NTSR1: variants seen among roughly 807,000 people sequenced by gnomAD.
NTSR1 encodes the protein neurotensin receptor type 1.
In NTSR1, 29 loss-of-function variants were observed where a neutral mutation model predicts 31.2. The ratio of observed to expected loss-of-function variants is 0.93; its 90% CI spans 0.69 to 1.27. The LOEUF (loss-of-function observed/expected upper bound fraction) is 1.27, where lower values mean the gene tolerates loss of function less well. Ranked by LOEUF, NTSR1 falls within the 50% of genes most tolerant of loss-of-function variation. The pLI is 0.00. For missense variants in NTSR1, 697 were observed against 595.4 expected (o/e 1.17, Z -1.78); for synonymous variants, 282 against 269.9 (o/e 1.04, Z -0.44).
Position 62,709,110 on chromosome 20 carries a change from G to C in NTSR1, c.-98G>C, listed in dbSNP as rs1988534629. On this transcript the variant is annotated 5_prime_UTR_variant, in exon 1 of 4. Coordinates refer to ENST00000370501, the MANE Select transcript of NTSR1 (RefSeq NM_002531.3). ...GGTCTTCGCCACGCGCCCTCCCCTGGGCTCCCGTTCATCGGTCCCCGCCTG... is the reference window on the plus strand; with the variant it reads ...GGTCTTCGCCACGCGCCCTCCCCTGCGCTCCCGTTCATCGGTCCCCGCCTG... The C allele has an allele frequency of 9.7e-7, 1 of 1,030,782 alleles. No homozygotes were observed. 63.9% of individuals were successfully genotyped at this position (1,030,782 alleles called of 1,614,324 possible).
chr20:62,720,003 A>C (rs1988804930), intron 1 of NTSR1, among the ~76,000 whole-genome samples: 1 of 152,168 alleles, frequency 6.6e-6, no homozygotes, highest in African/African-American at 2.4e-5. Flanking sequence ...TTATAAATTC[A>C]ATTCTTTTCA....
chr20:62,723,510 A>G (rs1988857344), intron 1 of NTSR1, among the ~76,000 whole-genome samples: 1 of 152,166 alleles, frequency 6.6e-6, no homozygotes, highest in Admixed American at 6.5e-5. Flanking sequence ...CAGGATGTGC[A>G]CAGTAGGAAG....
rs1989225957 is a variant in NTSR1 at position 62,742,711 on chromosome 20, G to A, written c.715-11974G>A. Among the ~76,000 whole-genome samples the A allele has an allele frequency of 6.7e-6, 1 of 149,414 alleles. No individual in the cohort carries two copies. On this transcript the variant is annotated intron_variant, in intron 1 of 3. Coordinates refer to ENST00000370501, the MANE Select transcript of NTSR1 (RefSeq NM_002531.3). The surrounding 1 kb of genome is among the most constrained non-coding windows in gnomAD (Gnocchi z 7.1). The stretch of plus-strand genomic sequence containing the variant: ...CCTCTGAGGACAGCCACTGGTCAGA[G>A]CCTCCTGGATGACCTCACTCCTGGA...
At chr20:62,750,658 TC>T (rs974916064) in intron 1 of NTSR1, among the ~76,000 whole-genome samples, 13 of 126,584 alleles carry the variant, frequency 1.0e-4, no homozygotes, top group African/African-American at 3.6e-4. Context: ...GCCACTGCAC[TC>T]CAGCCTGGGC....
intron 2 of NTSR1, chr20:62,756,848 A>G (rs1227684950): frequency 2.6e-5 from 4 of 152,242 alleles, no homozygotes; most frequent in Non-Finnish European, 5.9e-5. Flanking sequence ...TTTAAGATTA[A>G]TGATTAATAA....
Position 62,734,315 on chromosome 20 carries a change from A to T in NTSR1, c.715-20370A>T, listed in dbSNP as rs140553084. On this transcript the variant is annotated intron_variant, in intron 1 of 3. Coordinates refer to ENST00000370501, the MANE Select transcript of NTSR1 (RefSeq NM_002531.3). ...CCCTTCCCCGCAAAAAAAAAAAAAA[A>T]TCTTGGCTCAGCTCTTGGGCTTCGG... 9.8e-3 allele frequency among the ~76,000 whole-genome samples: 1,483 copies of T among 151,576 alleles called. 59 individuals carry two copies. The highest frequency in any genetic ancestry group is 0.077 in the Admixed American group (1,176 of 15,220).
Position 62,743,296 on chromosome 20 carries a change from G to A in NTSR1, c.715-11389G>A, listed in dbSNP as rs188031432. On this transcript the variant is annotated intron_variant, in intron 1 of 3. Coordinates refer to ENST00000370501, the MANE Select transcript of NTSR1 (RefSeq NM_002531.3). The surrounding 1 kb of genome is among the most constrained non-coding windows in gnomAD (Gnocchi z 7.5). ...AATCATTGGGGTTTCGAACAAGCCTGTGCTGACGGCCCTGGCACACAGGGT... is the reference window on the plus strand; with the variant it reads ...AATCATTGGGGTTTCGAACAAGCCTATGCTGACGGCCCTGGCACACAGGGT... 4.0e-5 allele frequency among the ~76,000 whole-genome samples: 6 copies of A among 149,746 alleles called. No homozygotes were observed. Among genetic ancestry groups the A allele is most frequent in the African/African-American group, 1.5e-4 (6 of 40,196 alleles).
At position 62,745,032 on chromosome 20, in the gene NTSR1, C is replaced by G. The variant is rs1023012341; in HGVS notation, c.715-9653C>G. On this transcript the variant is annotated intron_variant, in intron 1 of 3. Transcript: ENST00000370501. The surrounding 1 kb of genome is among the most constrained non-coding windows in gnomAD (Gnocchi z 4.1). Reference sequence around the variant, plus strand: ...GCTGTCACAGCAGACACCCCTGTCTCCCACCATGACCTTCTGCTCTGGAAC... The same window carrying G: ...GCTGTCACAGCAGACACCCCTGTCTGCCACCATGACCTTCTGCTCTGGAAC... 6.6e-6 allele frequency among the ~76,000 whole-genome samples: 1 copy of G among 152,194 alleles called. No homozygotes were observed. Among genetic ancestry groups the G allele is most frequent in the African/African-American group, 2.4e-5 (1 of 41,438 alleles).
At chr20:62,728,102 G>A (rs867111038) in intron 1 of NTSR1, among the ~76,000 whole-genome samples, 9 of 95,820 alleles carry the variant, frequency 9.4e-5, no homozygotes, top group Non-Finnish European at 2.3e-4. Context: ...CCACAAGGAC[G>A]AGCCTTGTGG....
At chr20:62,716,061 ATG>A (rs1988710225) in intron 1 of NTSR1, among the ~76,000 whole-genome samples, 1 of 152,236 alleles carries the variant, frequency 6.6e-6, no homozygotes. Flanking sequence ...ATCACTTAAA[ATG>A]TGCTGTTTTA....
At position 62,745,921 on chromosome 20, in the gene NTSR1, G is replaced by C. The variant is rs186859329; in HGVS notation, c.715-8764G>C. ...TCTCTTTAGAGACAAATCGAAAGGC[G>C]CCAGGGTGCTGTGGCATCAGTGGCG... is the stretch of plus-strand genomic sequence containing the variant. On this transcript the variant is annotated intron_variant, in intron 1 of 3. Coordinates refer to ENST00000370501, the MANE Select transcript of NTSR1 (RefSeq NM_002531.3). This position sits in a 1 kb window ranked among gnomAD's most constrained non-coding sequence, Gnocchi z 4.1. Among the ~76,000 whole-genome samples the C allele has an allele frequency of 3.9e-5, 6 of 152,262 alleles. No individual in the cohort carries two copies. The highest frequency in any genetic ancestry group is 8.8e-5 in the Non-Finnish European group (6 of 68,046).
intron 1 of NTSR1, among the ~76,000 whole-genome samples, chr20:62,737,524 C>T (rs1490715473): frequency 6.6e-6 from 1 of 152,144 alleles, no homozygotes; most frequent in Non-Finnish European, 1.5e-5. Flanking sequence ...CAGGGAGGGG[C>T]CGAGCATGGG....
intron 2 of NTSR1, chr20:62,756,844 A>T (rs1441887142): frequency 6.6e-6 from 1 of 152,246 alleles, no homozygotes; most frequent in African/African-American, 2.4e-5. Flanking sequence ...GTGATTTAAG[A>T]TTAATGATTA....
At chr20:62,734,073 C>T (rs1034752971) in intron 1 of NTSR1, among the ~76,000 whole-genome samples, 11 of 152,110 alleles carry the variant, frequency 7.2e-5, no homozygotes, top group Admixed American at 1.3e-4. Context: ...CTGGGGCCGG[C>T]GGCAGGTTTG....
chr20:62,748,474 C>T (rs540072155), intron 1 of NTSR1, among the ~76,000 whole-genome samples: 2 of 152,058 alleles, frequency 1.3e-5, no homozygotes, highest in Non-Finnish European at 2.9e-5. Flanking sequence ...ATAGTCAAAG[C>T]AACATTAAGA....
rs117617923 is a variant in NTSR1 at position 62,709,995 on chromosome 20, G to T, written c.714+74G>T. 2.8e-4 allele frequency: 346 copies of T among 1,223,132 alleles called. No homozygotes were observed. In the East Asian group the frequency reaches 8.3e-3, roughly 29 times the overall value. 75.8% of individuals were successfully genotyped at this position (1,223,132 alleles called of 1,614,324 possible). ...AGCAGTGCCAGTGGTGTGCCTTCTG[G>T]GTAGGGAGTGGGAGAGATGTCACAG... is the stretch of plus-strand genomic sequence containing the variant. On this transcript the variant is annotated intron_variant, in intron 1 of 3. Coordinates refer to ENST00000370501, the MANE Select transcript of NTSR1 (RefSeq NM_002531.3).
intron 1 of NTSR1, among the ~76,000 whole-genome samples, chr20:62,738,754 C>T (rs1989150779): frequency 1.3e-5 from 2 of 152,188 alleles, no homozygotes; most frequent in Non-Finnish European, 2.9e-5. Context: ...CGCTGGTCCT[C>T]GAGGTGGCTC....
intron 1 of NTSR1, among the ~76,000 whole-genome samples, chr20:62,737,266 G>C (rs1339573346): frequency 6.6e-6 from 1 of 152,104 alleles, no homozygotes; most frequent in East Asian, 1.9e-4. Context: ...TGCTATGGCT[G>C]TGTTGGCCAC....
chr20:62,757,266 G>A (rs1179858712), intron 2 of NTSR1, among the ~76,000 whole-genome samples: 2 of 152,200 alleles, frequency 1.3e-5, no homozygotes, highest in African/African-American at 4.8e-5. Flanking sequence ...TGTGAGGGGA[G>A]GATCCACCTT....
Sources: allele counts gnomAD v4.1 joint callset (sites outside exome capture counted in the v4.1 genomes callset), GRCh38; gene constraint gnomAD v4.1.1; non-coding constraint Gnocchi (gnomAD v3.1); transcripts MANE v1.5; gene names NCBI Gene and HGNC (gene_info 2026-07-23, HGNC 2026-07-21).